Variants in USH2A observed in about 807,000 individuals in gnomAD.
USH2A encodes usherin.
A neutral mutation model predicts 538.9 loss-of-function variants in USH2A; 443 were observed. That is an observed-to-expected ratio of 0.82 (90% confidence interval 0.76 to 0.89). USH2A has a LOEUF of 0.89. Among genes scored for constraint, USH2A ranks in the 40% least tolerant of loss-of-function variants. The probability of loss-of-function intolerance (pLI) is 0.00; values close to 1 mark genes in which losing one functional copy is unlikely to be tolerated. For missense variants in USH2A, 6,633 were observed against 6,324.8 expected (o/e 1.05, Z -1.65); for synonymous variants, 2,413 against 2,273.5 (o/e 1.06, Z -1.75).
chr1:215,957,077 G>A (rs1263041267), intron 37 of USH2A, among the ~76,000 whole-genome samples: 2 of 152,150 alleles, frequency 1.3e-5, no homozygotes, highest in South Asian at 4.1e-4. Context: ...TATACATCCA[G>A]AAATGTGTTG....
chr1:215,978,611 A>T (rs1345570669), intron 35 of USH2A, among the ~76,000 whole-genome samples: 1 of 152,216 alleles, frequency 6.6e-6, no homozygotes, highest in Non-Finnish European at 1.5e-5. Flanking sequence ...TAATTAAATA[A>T]CAATTCAAGG....
chr1:215,959,222 C>T (rs368253154), intron 37 of USH2A, among the ~76,000 whole-genome samples: 127 of 151,708 alleles, frequency 8.4e-4, no homozygotes, highest in South Asian at 5.6e-3. Flanking sequence ...ATAATATAAC[C>T]ACCTAGAGAT....
intron 35 of USH2A, among the ~76,000 whole-genome samples, chr1:215,976,444 G>C (rs1305597825): frequency 6.6e-6 from 1 of 151,976 alleles, no homozygotes; most frequent in African/African-American, 2.4e-5. Context: ...GTTGGCTGTG[G>C]GTTTGTCATA....
intron 12 of USH2A, among the ~76,000 whole-genome samples, chr1:216,248,509 G>A (rs944351361): frequency 1.3e-5 from 2 of 151,742 alleles, no homozygotes; most frequent in African/African-American, 2.4e-5. Flanking sequence ...ATGTAGAAAA[G>A]CATTTCCTAA....
chr1:215,811,945 AAAAC>A (rs1427530278), intron 49 of USH2A, among the ~76,000 whole-genome samples: 10 of 150,742 alleles, frequency 6.6e-5, no homozygotes, highest in Non-Finnish European at 1.2e-4. Flanking sequence ...ACAAAAAACA[AAAAC>A]AAACAAAAAA....
intron 40 of USH2A, among the ~76,000 whole-genome samples, chr1:215,897,632 T>C (rs980778289): frequency 1.8e-4 from 27 of 151,874 alleles, no homozygotes; most frequent in East Asian, 1.6e-3. Context: ...GAGGTTGCAG[T>C]GAGCTGACAT....
chr1:216,054,323 C>A (rs548023474), intron 30 of USH2A, among the ~76,000 whole-genome samples: 1 of 152,164 alleles, frequency 6.6e-6, no homozygotes, highest in South Asian at 2.1e-4. Context: ...TTTGCTGTAA[C>A]CTCAAGTTTC....
intron 61 of USH2A, among the ~76,000 whole-genome samples, chr1:215,702,622 T>G (rs1353918900): frequency 2.0e-5 from 3 of 151,862 alleles, no homozygotes; most frequent in Admixed American, 6.6e-5. Context: ...TTGATACTTG[T>G]GTATGCTTCA....
intron 38 of USH2A, among the ~76,000 whole-genome samples, chr1:215,919,301 A>G (rs1666037741): frequency 6.6e-6 from 1 of 152,114 alleles, no homozygotes; most frequent in African/African-American, 2.4e-5. Flanking sequence ...GTGCAACGTA[A>G]CAACTACTAT....
Position 216,206,982 on chromosome 1 carries a change from C to A in USH2A, c.3316+291G>T, listed in dbSNP as rs1443094743. Among the ~76,000 whole-genome samples, 16 of 152,174 alleles carry A rather than the reference C, an allele frequency of 1.1e-4. No homozygotes were observed. In the Middle Eastern group the frequency reaches 0.01, roughly 97 times the overall value. ...TGTACTAATGAACTCACACAGACAC[C>A]TCAGCAGTTTATAAAAGTTCCAGCT... On this transcript the variant is annotated intron_variant, in intron 16 of 71. Coordinates refer to ENST00000307340, the MANE Select transcript of USH2A (RefSeq NM_206933.4).
At chr1:216,030,079 A>G (rs11120724) in intron 32 of USH2A, among the ~76,000 whole-genome samples, 18 of 65,552 alleles carry the variant, frequency 2.7e-4, no homozygotes, top group East Asian at 9.8e-4. Context: ...ATAATATATG[A>G]TATATATGAT....
intron 44 of USH2A, among the ~76,000 whole-genome samples, chr1:215,864,306 A>T (rs922036080): frequency 6.6e-5 from 10 of 152,138 alleles, no homozygotes; most frequent in African/African-American, 2.4e-4. Context: ...TTTCTATCTC[A>T]TTGTGCTTTT....
At chr1:216,232,162 T>C (rs1024564745) in intron 13 of USH2A, 26 bp from the exon 14 acceptor site, 2 of 1,587,832 alleles carry the variant, frequency 1.3e-6, no homozygotes, top group African/African-American at 2.7e-5. Flanking sequence ...TTAAAAGTTT[T>C]ATATATACTT....
At chr1:215,771,765 G>A (rs1241362008) in intron 55 of USH2A, among the ~76,000 whole-genome samples, 2 of 151,970 alleles carry the variant, frequency 1.3e-5, no homozygotes, top group Non-Finnish European at 2.9e-5. Flanking sequence ...TACTTACCAA[G>A]TACTAGACTA....
chr1:216,296,847 A>G (rs1268756677), intron 9 of USH2A, among the ~76,000 whole-genome samples: 2 of 152,042 alleles, frequency 1.3e-5, no homozygotes, highest in African/African-American at 4.8e-5. Flanking sequence ...TCTGCAAATC[A>G]AATTTATTTC....
chr1:215,888,379 G>T (rs765604144), intron 41 of USH2A, 47 bp downstream of exon 41: 1 of 1,609,224 alleles, frequency 6.2e-7, no homozygotes, highest in South Asian at 1.1e-5. Flanking sequence ...GTCAATCCAG[G>T]GTACATTCCT....
At chr1:215,957,676 T>C (rs1213374246) in intron 37 of USH2A, among the ~76,000 whole-genome samples, 1 of 152,196 alleles carries the variant, frequency 6.6e-6, no homozygotes, top group African/African-American at 2.4e-5. Context: ...GTGGACGTTA[T>C]GTTCCCTTTT....
At chr1:215,835,164 CAAAAA>C (rs34758891) in intron 47 of USH2A, among the ~76,000 whole-genome samples, 2 of 56,114 alleles carry the variant, frequency 3.6e-5, no homozygotes, top group Non-Finnish European at 6.3e-5. Context: ...AGTGATGCAC[CAAAAA>C]AAAAAAAAAA....
Position 216,199,932 on chromosome 1 carries a change from C to T in USH2A, c.3506G>A (p.Trp1169Ter), listed in dbSNP as rs2102467034. ...PIGSDSVTLT[W>*]TTLSNQSGPI... ...ACCAGATTGATTTGAGAGTGTTGTC[C>T]AGGTAAGTGTCACAGAGTCTGAGCC... Residue 1169 changes from tryptophan (W) to a stop codon, truncating the protein, a stop_gained, in exon 17 of 72, where the codon TGG becomes TAG. Transcript: ENST00000307340. LOFTEE classifies it high-confidence loss of function. 1.2e-6 allele frequency: 2 copies of T among 1,614,042 alleles called. No homozygotes were observed. Among genetic ancestry groups the T allele is most frequent in the South Asian group, 1.1e-5 (1 of 91,086 alleles).
Sources: gnomAD v4.1 joint callset for allele counts (sites outside exome capture counted in the v4.1 genomes callset) on GRCh38, gnomAD v4.1.1 for gene constraint, MANE v1.5 for transcripts, NCBI Gene and HGNC (gene_info 2026-07-23, HGNC 2026-07-21) for gene names.